The following AFF3 variants were observed in gnomAD, a reference collection of about 807,000 sequenced individuals.
AFF3 encodes the protein AF4/FMR2 family member 3.
In AFF3, 32 loss-of-function variants were observed where a neutral mutation model predicts 129.7. The observed-to-expected ratio is 0.25, with a 90% confidence interval of 0.19 to 0.33. The LOEUF is 0.33. Ranked by LOEUF, AFF3 falls within the 10% of genes least tolerant of loss-of-function variation. The pLI is 1.00. For synonymous variants in AFF3, 644 were observed against 635.4 expected, an observed-to-expected ratio of 1.01 and a Z score of -0.20; for missense variants, 1,373 against 1,592.0, an observed-to-expected ratio of 0.86 and a Z score of 2.34.
chr2:99,969,484 T>C (rs1321395292), intron 7 of AFF3, among the ~76,000 whole-genome samples: 1 of 151,964 alleles, frequency 6.6e-6, no homozygotes, highest in Non-Finnish European at 1.5e-5. Flanking sequence ...TTTTCATTTA[T>C]TTATTTATTT....
At chr2:99,585,334 CTCT>C (rs1475614775) in intron 16 of AFF3, among the ~76,000 whole-genome samples, 1 of 152,106 alleles carries the variant, frequency 6.6e-6, no homozygotes, top group Non-Finnish European at 1.5e-5. Context: ...TTCTTTGGAG[CTCT>C]TCTTTGAAAT....
intron 8 of AFF3, among the ~76,000 whole-genome samples, chr2:99,771,360 G>GT (rs1302175746): frequency 6.6e-6 from 1 of 150,442 alleles, no homozygotes; most frequent in Non-Finnish European, 1.5e-5. Flanking sequence ...CGTTACCTAT[G>GT]TAATAAGCCT....
chr2:99,566,262 T>G (rs369008323), intron 19 of AFF3, among the ~76,000 whole-genome samples: 1,551 of 152,120 alleles, frequency 0.01, 15 homozygotes, highest in Middle Eastern at 0.02. Flanking sequence ...GTTTTTTTTT[T>G]TTGTTGTTGT....
At chr2:99,615,158 T>C (rs940663411) in intron 13 of AFF3, among the ~76,000 whole-genome samples, 3 of 152,176 alleles carry the variant, frequency 2.0e-5, no homozygotes, top group Middle Eastern at 3.2e-3. Flanking sequence ...TCTGTACATG[T>C]CACTGGGCAG....
intron 8 of AFF3, among the ~76,000 whole-genome samples, chr2:99,816,500 T>C (rs1456040251): frequency 3.9e-5 from 6 of 152,166 alleles, no homozygotes; most frequent in African/African-American, 1.4e-4. Context: ...TCCTCCTCTG[T>C]TAGTTCTTCA....
intron 7 of AFF3, among the ~76,000 whole-genome samples, chr2:99,962,613 G>C (rs923952801): frequency 6.6e-6 from 1 of 151,784 alleles, no homozygotes; most frequent in Non-Finnish European, 1.5e-5. Flanking sequence ...TACTATAACA[G>C]AAATAAAAAC....
At chr2:99,715,560 C>T (rs1678297506) in intron 11 of AFF3, among the ~76,000 whole-genome samples, 2 of 152,044 alleles carry the variant, frequency 1.3e-5, no homozygotes, top group African/African-American at 4.8e-5. Flanking sequence ...GTTTCCAAGT[C>T]TTTTACTGTA....
intron 7 of AFF3, among the ~76,000 whole-genome samples, chr2:99,847,652 G>T (rs1389434540): frequency 6.6e-6 from 1 of 151,856 alleles, no homozygotes; most frequent in East Asian, 2.0e-4. Context: ...TAGAACTTGG[G>T]GTATCTGGGG....
At chr2:100,103,686 G>T (rs1392182312) in intron 4 of AFF3, among the ~76,000 whole-genome samples, 1 of 152,006 alleles carries the variant, frequency 6.6e-6, no homozygotes, top group African/African-American at 2.4e-5. Flanking sequence ...CCCCCGGGCT[G>T]CGAGCTGTGA....
At chr2:100,131,288 C>A (rs921161539) in intron 1 of AFF3, among the ~76,000 whole-genome samples, 1 of 152,098 alleles carries the variant, frequency 6.6e-6, no homozygotes, top group African/African-American at 2.4e-5. Context: ...GTGGGAGAGG[C>A]TGCCTTTTAA....
intron 8 of AFF3, among the ~76,000 whole-genome samples, chr2:99,788,767 C>A (rs575945701): frequency 6.6e-6 from 1 of 152,310 alleles, no homozygotes; most frequent in East Asian, 1.9e-4. Flanking sequence ...CACTGACTCA[C>A]CCAGAGCAAC....
intron 7 of AFF3, among the ~76,000 whole-genome samples, chr2:99,963,208 A>C (rs1412922113): frequency 1.3e-5 from 2 of 152,152 alleles, no homozygotes; most frequent in Non-Finnish European, 2.9e-5. Context: ...TTCCTAAAAA[A>C]TGAAAGGGTA....
At position 99,963,720 on chromosome 2, in the gene AFF3, TAGAAAC is replaced by T. The variant is rs550361246; in HGVS notation, c.873+42906_873+42911del. On this transcript the variant is annotated intron_variant, in intron 7 of 24. Coordinates refer to ENST00000672756, the MANE Select transcript of AFF3 (RefSeq NM_001386135.1). ...AATAACCCACAGACAATTAAGAAAA[TAGAAAC>T]AGAAGAATGAGGAGTCAGAAAAACA... Among the ~76,000 whole-genome samples, 633 of 150,382 alleles carry T rather than the reference TAGAAAC, an allele frequency of 4.2e-3. 1 individual carries two copies. Among genetic ancestry groups the T allele is most frequent in the Non-Finnish European group, 7.1e-3 (480 of 67,570 alleles).
At chr2:99,685,730 T>G (rs967633757) in intron 11 of AFF3, among the ~76,000 whole-genome samples, 16 of 152,208 alleles carry the variant, frequency 1.1e-4, no homozygotes, top group Non-Finnish European at 2.2e-4. Flanking sequence ...TGTACACTTC[T>G]GAGATAGGAT....
At position 99,595,110 on chromosome 2, in the gene AFF3, G is replaced by A. The variant is rs570821059; in HGVS notation, c.1372-821C>T. On this transcript the variant is annotated intron_variant, in intron 14 of 24. Coordinates refer to ENST00000672756, the MANE Select transcript of AFF3 (RefSeq NM_001386135.1). ...TGAAATGGATGGGAAATGTGTAGAT[G>A]CATTTTGTTTCTAGAAGAGGTCTGT... Among the ~76,000 whole-genome samples the A allele has an allele frequency of 2.0e-5, 3 of 151,914 alleles. No individual in the cohort carries two copies. In the South Asian group the frequency reaches 6.3e-4, roughly 32 times the overall value.
intron 11 of AFF3, among the ~76,000 whole-genome samples, chr2:99,724,723 C>T (rs762614351): frequency 1.3e-4 from 20 of 152,148 alleles, no homozygotes; most frequent in Non-Finnish European, 2.2e-4. Context: ...ACTCTTTATC[C>T]GTAATGTACT....
chr2:99,989,464 A>G (rs1680151175), intron 7 of AFF3, among the ~76,000 whole-genome samples: 1 of 152,266 alleles, frequency 6.6e-6, no homozygotes, highest in Non-Finnish European at 1.5e-5. Flanking sequence ...TATCCAGAAC[A>G]GAATACAGGG....
chr2:99,967,402 G>A (rs1424679932), intron 7 of AFF3, among the ~76,000 whole-genome samples: 1 of 152,204 alleles, frequency 6.6e-6, no homozygotes, highest in Non-Finnish European at 1.5e-5. Flanking sequence ...CTTTCCTATG[G>A]ACGTTCCACT....
chr2:99,874,233 T>G (rs1692111806), intron 7 of AFF3, among the ~76,000 whole-genome samples: 1 of 152,184 alleles, frequency 6.6e-6, no homozygotes, highest in African/African-American at 2.4e-5. Context: ...CTGAGAACAT[T>G]ACCTAGCCCA....
Sources: allele counts gnomAD v4.1 joint callset (sites outside exome capture counted in the v4.1 genomes callset), GRCh38; gene constraint gnomAD v4.1.1; transcripts MANE v1.5; gene names NCBI Gene and HGNC (gene_info 2026-07-23, HGNC 2026-07-21).